Variants in SENP6 observed in about 807,000 individuals in gnomAD.
SENP6 encodes SUMO specific peptidase 6.
In SENP6, 41 loss-of-function variants were observed where a neutral mutation model predicts 134.5. That is an observed-to-expected ratio of 0.30 (90% CI 0.24 to 0.40). The LOEUF (loss-of-function observed/expected upper bound fraction) is 0.40, where lower values mean the gene tolerates loss of function less well. Among genes scored for constraint, SENP6 ranks in the 10% least tolerant of loss-of-function variants. The pLI is 1.00. For synonymous variants in SENP6, 395 were observed against 429.8 expected, an observed-to-expected ratio of 0.92 and a Z score of 1.00; for missense variants, 1,248 against 1,312.5, an observed-to-expected ratio of 0.95 and a Z score of 0.76.
At chr6:75,683,954 G>A (rs1773643502) in intron 16 of SENP6, among the ~76,000 whole-genome samples, 1 of 152,158 alleles carries the variant, frequency 6.6e-6, no homozygotes, top group Non-Finnish European at 1.5e-5. Flanking sequence ...GTAGCTTGAT[G>A]GGGATGACAT....
chr6:75,621,403 A>G, intron 1 of SENP6, 129 bp from the exon 2 acceptor site: 1 of 599,834 alleles, frequency 1.7e-6, no homozygotes, highest in Non-Finnish European at 2.9e-6. Flanking sequence ...AATGTTTACA[A>G]AAAATAGACA....
Position 75,711,342 on chromosome 6 carries a change from C to T in SENP6, c.2835C>T (p.Asp945=), listed in dbSNP as rs148659604. The change falls in exon 21 of 24, where the codon GAC becomes GAT. Residue 945 remains aspartate, a synonymous_variant. Transcript: ENST00000447266. ...EDQDNQDDSS[D]DGFLADDNCS... is the part of the protein sequence containing the mutation. ...GTCTTTTATAGGATGATAGCAGTGACGATGGATTCCTCGCTGATGACAACT... is the reference window on the plus strand; with the variant it reads ...GTCTTTTATAGGATGATAGCAGTGATGATGGATTCCTCGCTGATGACAACT... The T allele has an allele frequency of 9.3e-6, 15 of 1,612,376 alleles. No individual in the cohort carries two copies. Among genetic ancestry groups the T allele is most frequent in the East Asian group, 6.7e-5 (3 of 44,844 alleles).
chr6:75,627,066 T>C (rs1271612441), intron 3 of SENP6, among the ~76,000 whole-genome samples: 1 of 152,098 alleles, frequency 6.6e-6, no homozygotes, highest in African/African-American at 2.4e-5. Flanking sequence ...CAGATTCAAG[T>C]GATTCTCCTG....
intron 1 of SENP6, among the ~76,000 whole-genome samples, chr6:75,605,809 C>T (rs758933544): frequency 4.0e-5 from 6 of 151,318 alleles, no homozygotes; most frequent in Admixed American, 6.6e-5. Flanking sequence ...AAAAGTTTGG[C>T]TGCTTTTTGT....
At position 75,705,924 on chromosome 6, in the gene SENP6, C is replaced by CTTTTTTTTTT. The variant is rs1562073188; in HGVS notation, c.2716+2852_2716+2853insTTTTTTTTTT. ...AGTGAGTTAGAAAGCTATTTTTGAG[C>CTTTTTTTTTT]CTTTTTTTTTTTTTTTTTTTTTTTT... On this transcript the variant is annotated intron_variant, in intron 19 of 23. Transcript: ENST00000447266. Among the ~76,000 whole-genome samples, 459 of 89,256 alleles carry CTTTTTTTTTT rather than the reference C, an allele frequency of 5.1e-3. 139 individuals are homozygous for CTTTTTTTTTT. The highest frequency in any genetic ancestry group is 7.1e-3 in the Middle Eastern group (1 of 140). 58.6% of individuals were successfully genotyped at this position (89,256 alleles called of 152,430 possible).
intron 16 of SENP6, among the ~76,000 whole-genome samples, chr6:75,687,071 A>G (rs183644444): frequency 1.3e-5 from 2 of 152,074 alleles, no homozygotes; most frequent in Admixed American, 6.6e-5. Context: ...ATAGTCCCAT[A>G]TTTCTTGGAG....
At chr6:75,653,990 A>G (rs1372126853) in intron 7 of SENP6, among the ~76,000 whole-genome samples, 1 of 152,194 alleles carries the variant, frequency 6.6e-6, no homozygotes, top group African/African-American at 2.4e-5. Context: ...TTGGGAGGCC[A>G]GGGTGGGAGG....
intron 11 of SENP6, among the ~76,000 whole-genome samples, chr6:75,673,140 T>C (rs905130953): frequency 6.6e-6 from 1 of 152,074 alleles, no homozygotes; most frequent in Non-Finnish European, 1.5e-5. Context: ...TGGCATTATT[T>C]AGAAGCGTCC....
chr6:75,634,111 A>G (rs991415046), intron 4 of SENP6, among the ~76,000 whole-genome samples: 7 of 152,138 alleles, frequency 4.6e-5, no homozygotes, highest in African/African-American at 1.2e-4. Flanking sequence ...CCTCCTTTTT[A>G]CAATAGTGAA....
In SENP6 at chr6:75,702,992, C is replaced by G; in HGVS notation, c.2636C>G (p.Ser879Cys). 2 of 1,613,878 alleles carry G rather than the reference C, an allele frequency of 1.2e-6. No individual in the cohort carries two copies. Among genetic ancestry groups the G allele is most frequent in the Middle Eastern group, 1.7e-4 (1 of 6,060 alleles). ...AATGAAGAATTCAATAAAGGAGAAT[C>G]TACATCCCAGAAAGTTGCTGATAGG... is the stretch of plus-strand genomic sequence containing the variant. ...SENEEFNKGE[S>C]TSQKVADRTK... Residue 879 changes from serine (S) to cysteine (C), a missense_variant, in exon 19 of 24, where the codon TCT (serine) becomes TGT (cysteine). Coordinates refer to ENST00000447266, the MANE Select transcript of SENP6 (RefSeq NM_015571.4).
intron 5 of SENP6, among the ~76,000 whole-genome samples, chr6:75,638,582 GTGTGTGTGTATATATATATATA>G (rs1375328945): frequency 1.0e-4 from 3 of 29,394 alleles, no homozygotes; most frequent in South Asian, 1.3e-3. Flanking sequence ...GTGTGTGTGT[GTGTGTGTGTATATATATATATA>G]TATATATATA....
intron 19 of SENP6, among the ~76,000 whole-genome samples, chr6:75,703,801 C>CA (rs890914916): frequency 3.2e-4 from 48 of 151,260 alleles, no homozygotes; most frequent in African/African-American, 9.2e-4. Context: ...TTCCATCACT[C>CA]AAAAAAAAAT....
chr6:75,618,169 A>G (rs188730241), intron 1 of SENP6, among the ~76,000 whole-genome samples: 67 of 152,304 alleles, frequency 4.4e-4, no homozygotes, highest in African/African-American at 1.6e-3. Flanking sequence ...ACTCAAGGGA[A>G]GGAAAATTCA....
At chr6:75,602,887 C>T (rs1343928294) in intron 1 of SENP6, among the ~76,000 whole-genome samples, 1 of 152,132 alleles carries the variant, frequency 6.6e-6, no homozygotes, top group Non-Finnish European at 1.5e-5. Flanking sequence ...GGGTGGTGGC[C>T]TAAGGATGAG....
intron 1 of SENP6, among the ~76,000 whole-genome samples, chr6:75,603,998 A>AGT (rs1263651099): frequency 6.6e-6 from 1 of 152,154 alleles, no homozygotes; most frequent in Non-Finnish European, 1.5e-5. Flanking sequence ...TGTTACAGGT[A>AGT]GTGCTATGTG....
intron 1 of SENP6, among the ~76,000 whole-genome samples, chr6:75,614,433 T>C (rs1397567239): frequency 2.6e-5 from 4 of 151,784 alleles, no homozygotes; most frequent in Admixed American, 2.6e-4. Context: ...GCCAGGCAAA[T>C]TTTTTTGTAT....
At chr6:75,674,747 AAATTT>A (rs1259350199) in intron 11 of SENP6, among the ~76,000 whole-genome samples, 1 of 152,200 alleles carries the variant, frequency 6.6e-6, no homozygotes, top group African/African-American at 2.4e-5. Flanking sequence ...AGTAATTGCT[AAATTT>A]ATTTTATATT....
intron 1 of SENP6, among the ~76,000 whole-genome samples, chr6:75,612,105 A>G (rs1278217949): frequency 6.6e-6 from 1 of 152,178 alleles, no homozygotes; most frequent in Non-Finnish European, 1.5e-5. Context: ...TTCATGTAGC[A>G]TCTGCAGGGA....
At chr6:75,605,383 G>A (rs1250541001) in intron 1 of SENP6, among the ~76,000 whole-genome samples, 3 of 152,126 alleles carry the variant, frequency 2.0e-5, no homozygotes, top group African/African-American at 7.2e-5. Flanking sequence ...AATAAACTGT[G>A]AAAAAGTAAT....
Sources: gnomAD v4.1 joint callset for allele counts (sites outside exome capture counted in the v4.1 genomes callset) on GRCh38, gnomAD v4.1.1 for gene constraint, MANE v1.5 for transcripts, NCBI Gene and HGNC (gene_info 2026-07-23, HGNC 2026-07-21) for gene names.